Variants in ATP2A2 observed in about 807,000 individuals in gnomAD.
The protein encoded by ATP2A2 is ATPase sarcoplasmic/endoplasmic reticulum Ca2+ transporting 2, also known as sarcoplasmic/endoplasmic reticulum calcium ATPase 2.
A neutral mutation model predicts 109.3 loss-of-function variants in ATP2A2; 14 were observed. That is an observed-to-expected ratio of 0.13 (90% CI 0.08 to 0.20). The LOEUF (loss-of-function observed/expected upper bound fraction) is 0.20. ATP2A2 is among the 10% of genes least tolerant of loss of function. ATP2A2 has a pLI of 1.00. For synonymous variants in ATP2A2, 506 were observed against 490.9 expected (o/e 1.03, Z -0.41); for missense variants, 657 against 1,321.6 (o/e 0.50, Z 7.80).
intron 11 of ATP2A2, among the ~76,000 whole-genome samples, chr12:110,335,040 T>C (rs2137837590): frequency 6.6e-6 from 1 of 152,330 alleles, no homozygotes; most frequent in African/African-American, 2.4e-5. Context: ...TGAGCCTTTT[T>C]CTGCCTGTCA....
At position 110,327,446 on chromosome 12, in the gene ATP2A2, C is replaced by T. The variant is rs1877920153; in HGVS notation, c.631-107C>T. 5.9e-6 allele frequency: 6 copies of T among 1,008,500 alleles called. No homozygotes were observed. Among genetic ancestry groups the T allele is most frequent in the African/African-American group, 1.6e-5 (1 of 63,158 alleles). 62.5% of individuals were successfully genotyped at this position (1,008,500 alleles called of 1,614,324 possible). On this transcript the variant is annotated intron_variant, in intron 7 of 19. Transcript: ENST00000539276. The surrounding 1 kb of genome is among the most constrained non-coding windows in gnomAD (Gnocchi z 4.4). ...GCTTGAACAGTAGCCAGTGGAAGAC[C>T]TAGTAGAATGTGTAGAGAATCTGGG...
At chr12:110,332,108 A>T (rs1878399220) in intron 8 of ATP2A2, 1 of 183,880 alleles carries the variant, frequency 5.4e-6, no homozygotes, top group Non-Finnish European at 1.2e-5. Flanking sequence ...TTTACTCGGG[A>T]AATGTTTATG....
At chr12:110,318,441 A>G (rs555559868) in intron 5 of ATP2A2, among the ~76,000 whole-genome samples, 1 of 152,286 alleles carries the variant, frequency 6.6e-6, no homozygotes, top group South Asian at 2.1e-4. Flanking sequence ...AGATGATGTG[A>G]TGGTCCCTCT....
intron 16 of ATP2A2, among the ~76,000 whole-genome samples, chr12:110,344,176 C>T (rs916052922): frequency 6.6e-6 from 1 of 152,142 alleles, no homozygotes; most frequent in African/African-American, 2.4e-5. Context: ...CGTAGTGCCT[C>T]ATCCTTGCAG....
intron 5 of ATP2A2, among the ~76,000 whole-genome samples, chr12:110,306,955 C>T (rs1875407137): frequency 6.6e-6 from 1 of 152,076 alleles, no homozygotes; most frequent in South Asian, 2.1e-4. Flanking sequence ...GATAAGGTCT[C>T]ACCATGTTGC....
At chr12:110,310,704 A>G (rs1875938840) in intron 5 of ATP2A2, among the ~76,000 whole-genome samples, 1 of 152,224 alleles carries the variant, frequency 6.6e-6, no homozygotes, top group Non-Finnish European at 1.5e-5. Context: ...TGATAATTTT[A>G]TTTCCTAAAA....
chr12:110,342,849 G>A lies in ATP2A2; in HGVS notation c.2319-383G>A, dbSNP rs1879486903. On this transcript the variant is annotated intron_variant, in intron 15 of 19. Transcript: ENST00000539276. This position sits in a 1 kb window ranked among gnomAD's most constrained non-coding sequence, Gnocchi z 4.6. The stretch of plus-strand genomic sequence containing the variant: ...CAGCTCACTGTCCCCTCCACCTCCT[G>A]GGTTCAAGCCTCCCGAACAGCTGGG... Among the ~76,000 whole-genome samples, 1 of 152,036 alleles carries A rather than the reference G, an allele frequency of 6.6e-6. No homozygotes were observed.
rs753955249 is a variant in ATP2A2, at chr12:110,346,509, AT to A, written c.*41del. The A allele has an allele frequency of 1.9e-6, 3 of 1,612,884 alleles. No individual in the cohort carries two copies. Among genetic ancestry groups the A allele is most frequent in the Non-Finnish European group, 2.5e-6 (3 of 1,179,448 alleles). ...ATAAAGAAGATGTTTAACTTAATCAATTAATTTTTTTATTGTTTAAAGCAAC... is the reference window on the plus strand; with the variant it reads ...ATAAAGAAGATGTTTAACTTAATCAATAATTTTTTTATTGTTTAAAGCAAC... On this transcript the variant is annotated 3_prime_UTR_variant, in exon 20 of 20. Transcript: ENST00000539276.
intron 8 of ATP2A2, chr12:110,329,922 CAT>C (rs1878182089): frequency 6.6e-6 from 1 of 152,148 alleles, no homozygotes; most frequent in Non-Finnish European, 1.5e-5. Context: ...ACATTTGTCA[CAT>C]ATTTTATTCG....
At chr12:110,295,115 A>T (rs541261792) in intron 4 of ATP2A2, among the ~76,000 whole-genome samples, 46 of 151,954 alleles carry the variant, frequency 3.0e-4, no homozygotes, top group Non-Finnish European at 5.0e-4. Context: ...CACCATGCCC[A>T]GCCTTTTCAT....
chr12:110,283,538 C>T (rs1872363727), intron 3 of ATP2A2, among the ~76,000 whole-genome samples: 1 of 152,088 alleles, frequency 6.6e-6, no homozygotes, highest in Admixed American at 6.6e-5. Context: ...AAGTATATTT[C>T]TAGGTTTTTA....
intron 16 of ATP2A2, among the ~76,000 whole-genome samples, chr12:110,344,295 C>G (rs1270081033): frequency 6.6e-6 from 1 of 152,136 alleles, no homozygotes; most frequent in East Asian, 1.9e-4. Context: ...TCTGTGTATT[C>G]TCTGCTGCAC....
At chr12:110,336,918 T>C (rs2137842993) in intron 11 of ATP2A2, among the ~76,000 whole-genome samples, 1 of 152,256 alleles carries the variant, frequency 6.6e-6, no homozygotes, top group African/African-American at 2.4e-5. Flanking sequence ...ATCTATTAGT[T>C]GGTGTAACTA....
chr12:110,304,988 G>A (rs185190364), intron 5 of ATP2A2, among the ~76,000 whole-genome samples: 253 of 151,938 alleles, frequency 1.7e-3, no homozygotes, highest in Non-Finnish European at 3.0e-3. Context: ...GGAGTGCAGC[G>A]AGTGGCATGA....
intron 4 of ATP2A2, 112 bp from the exon 5 acceptor site, chr12:110,296,480 TGTTACTG>T: frequency 7.6e-7 from 1 of 1,313,352 alleles, no homozygotes; most frequent in Admixed American, 1.7e-5. Flanking sequence ...TTAGTACAAA[TGTTACTG>T]GTGGGCTTCC....
At chr12:110,302,761 G>A (rs1209978224) in intron 5 of ATP2A2, among the ~76,000 whole-genome samples, 1 of 151,966 alleles carries the variant, frequency 6.6e-6, no homozygotes, top group Non-Finnish European at 1.5e-5. Flanking sequence ...ACCACACCCA[G>A]CTGATTTTTG....
chr12:110,312,866 GAAAAC>G (rs1480677394), intron 5 of ATP2A2, among the ~76,000 whole-genome samples: 2 of 142,652 alleles, frequency 1.4e-5, no homozygotes, highest in Admixed American at 7.0e-5. Flanking sequence ...AAAAAAAAAA[GAAAAC>G]AAAACAAAAA....
At chr12:110,297,447 A>C (rs1360985041) in intron 5 of ATP2A2, among the ~76,000 whole-genome samples, 3 of 151,770 alleles carry the variant, frequency 2.0e-5, no homozygotes, top group African/African-American at 4.8e-5. Context: ...AAAAAAAAAA[A>C]AAAAACAGTA....
rs1292389671 is a variant in ATP2A2 at position 110,334,140 on chromosome 12, C to T, written c.1416C>T (p.Asn472=). 5 of 1,613,886 alleles carry T rather than the reference C, an allele frequency of 3.1e-6. No homozygotes were observed. The highest frequency in any genetic ancestry group is 1.1e-5 in the South Asian group (1 of 91,080). Reference sequence around the variant, plus strand: ...AAATAGAACGTGCAAATGCCTGCAACTCAGTGAGTATTTGAACCTGGTTTA... The same window carrying T: ...AAATAGAACGTGCAAATGCCTGCAATTCAGTGAGTATTTGAACCTGGTTTA... ...LSKIERANAC[N]SVIKQLMKKE... The change falls in exon 11 of 20, where the codon AAC becomes AAT. Residue 472 remains asparagine, a synonymous_variant. Coordinates refer to ENST00000539276, the MANE Select transcript of ATP2A2 (RefSeq NM_170665.4).
Sources: allele counts gnomAD v4.1 joint callset (sites outside exome capture counted in the v4.1 genomes callset), GRCh38; gene constraint gnomAD v4.1.1; non-coding constraint Gnocchi (gnomAD v3.1); transcripts MANE v1.5; gene names NCBI Gene and HGNC (gene_info 2026-07-23, HGNC 2026-07-21).